EIF3A: variants seen among roughly 807,000 people sequenced by gnomAD.
EIF3A encodes the protein eukaryotic translation initiation factor 3 subunit A.
Under a neutral mutation model 186.6 loss-of-function variants are expected in EIF3A, and 21 were observed. The observed-to-expected ratio is 0.11, with a 90% confidence interval of 0.08 to 0.16. The LOEUF is 0.16. Ranked by LOEUF, EIF3A falls within the 10% of genes least tolerant of loss-of-function variation. The probability of loss-of-function intolerance (pLI) is 1.00; values close to 1 mark genes in which losing one functional copy is unlikely to be tolerated. For missense variants in EIF3A, 1,306 were observed against 1,796.3 expected (o/e 0.73, Z 4.93); for synonymous variants, 563 against 584.3 (o/e 0.96, Z 0.52).
At position 119,036,187 on chromosome 10, in the gene EIF3A, G is replaced by T; in HGVS notation, c.4001C>A (p.Ala1334Asp). The T allele has an allele frequency of 6.2e-7, 1 of 1,613,502 alleles. No individual in the cohort carries two copies. Among genetic ancestry groups the T allele is most frequent in the South Asian group, 1.1e-5 (1 of 91,026 alleles). Residue 1334 changes from alanine (A) to aspartate (D), a missense_variant, in exon 22 of 22, where the codon GCT becomes GAT. Coordinates refer to ENST00000369144, the MANE Select transcript of EIF3A (RefSeq NM_003750.4). ...GTCTCTTTCTCGGTCTCTTGAAAGA[G>T]CTGGGGGAGGAACTCGACGAGGAGG... is the stretch of plus-strand genomic sequence containing the variant. ...RDPPRRVPPP[A>D]LSRDRERDRD...
Position 119,052,152 on chromosome 10 carries a change from A to G in EIF3A, c.2197-831T>C, listed in dbSNP as rs73432153. Reference sequence around the variant, plus strand: ...AAGAGTAGAATTTCAATTTGATCCAATCCTCTCAAACCCTGCTGCTGCTTT... The same window carrying G: ...AAGAGTAGAATTTCAATTTGATCCAGTCCTCTCAAACCCTGCTGCTGCTTT... On this transcript the variant is annotated intron_variant, in intron 14 of 21. Coordinates refer to ENST00000369144, the MANE Select transcript of EIF3A (RefSeq NM_003750.4). Among the ~76,000 whole-genome samples the G allele has an allele frequency of 4.5e-3, 682 of 152,268 alleles. 6 individuals carry two copies. The highest frequency in any genetic ancestry group is 0.014 in the African/African-American group (577 of 41,550).
At chr10:119,046,743 G>A (rs1032084084) in intron 17 of EIF3A, among the ~76,000 whole-genome samples, 9 of 152,028 alleles carry the variant, frequency 5.9e-5, no homozygotes, top group Non-Finnish European at 7.4e-5. Flanking sequence ...TGGATCACCT[G>A]AGGTCAGGAG....
chr10:119,049,763 C>T (rs754625289), intron 17 of EIF3A, 38 bp downstream of exon 17: 6 of 1,563,744 alleles, frequency 3.8e-6, no homozygotes, highest in Non-Finnish European at 5.2e-6. Context: ...AAAAAAGTCA[C>T]ATTAAAACAA....
chr10:119,078,084 T>C (rs969010728), intron 1 of EIF3A, among the ~76,000 whole-genome samples: 1 of 152,316 alleles, frequency 6.6e-6, no homozygotes, highest in African/African-American at 2.4e-5. Context: ...CCCTTGATGT[T>C]TGCTAGTTTA....
intron 14 of EIF3A, among the ~76,000 whole-genome samples, chr10:119,055,720 C>A (rs745564005): frequency 6.6e-6 from 1 of 152,032 alleles, no homozygotes; most frequent in Non-Finnish European, 1.5e-5. Context: ...CACAATAAAA[C>A]AAGGTGTGCC....
intron 19 of EIF3A, among the ~76,000 whole-genome samples, chr10:119,041,005 CAAAA>C (rs34452005): frequency 2.2e-4 from 17 of 78,706 alleles, no homozygotes; most frequent in Middle Eastern, 0.01. Context: ...ACTCCGTCTC[CAAAA>C]AAAAAAAAAA....
intron 1 of EIF3A, among the ~76,000 whole-genome samples, chr10:119,076,585 G>GA (rs1045542725): frequency 6.9e-5 from 10 of 144,328 alleles, no homozygotes; most frequent in African/African-American, 2.2e-4. Context: ...GGGTGGGAGG[G>GA]AAAAAACTTG....
rs1406162619 is a variant in EIF3A at position 119,056,963 on chromosome 10, T to C, written c.2055A>G (p.Gln685=). Residue 685 remains glutamine, a synonymous_variant, in exon 13 of 22, where the codon CAA becomes CAG. Transcript: ENST00000369144. ...TCTTTTCTTGATTCTTTAGGCGTTCTTGAAGTTCTTTCTTTTCTTTCTCCA... is the reference window on the plus strand; with the variant it reads ...TCTTTTCTTGATTCTTTAGGCGTTCCTGAAGTTCTTTCTTTTCTTTCTCCA... ...EQLEKEKKEL[Q]ERLKNQEKKI... 1 of 1,613,056 alleles carries C rather than the reference T, an allele frequency of 6.2e-7. No homozygotes were observed. Among genetic ancestry groups the C allele is most frequent in the Admixed American group, 1.7e-5 (1 of 59,948 alleles).
chr10:119,059,199 G>C lies in EIF3A; in HGVS notation c.1629+13C>G, dbSNP rs1344312751. On this transcript the variant is annotated intron_variant, in intron 11 of 21. Coordinates refer to ENST00000369144, the MANE Select transcript of EIF3A (RefSeq NM_003750.4). Reference sequence around the variant, plus strand: ...AAAACTTCTGGGATTTATTTCCCCGGGAAGATGCATACCAGTATATGAGCT... The same window carrying C: ...AAAACTTCTGGGATTTATTTCCCCGCGAAGATGCATACCAGTATATGAGCT... 3 of 1,608,096 alleles carry C rather than the reference G, an allele frequency of 1.9e-6. No individual in the cohort carries two copies. Among genetic ancestry groups the C allele is most frequent in the Non-Finnish European group, 2.5e-6 (3 of 1,177,560 alleles).
chr10:119,050,353 C>T (rs74157622), intron 16 of EIF3A, among the ~76,000 whole-genome samples, 168 bp downstream of exon 16: 3 of 152,092 alleles, frequency 2.0e-5, no homozygotes, highest in African/African-American at 4.8e-5. Flanking sequence ...TGCTGGCAGA[C>T]GATGTAACAA....
Position 119,062,709 on chromosome 10 carries a change from T to C in EIF3A, c.1123-1381A>G, listed in dbSNP as rs557207016. ...TGTCTTTCGCTTCTGGGACAACATA[T>C]TGCAGTATATTAAATCTAAGTCTAA... On this transcript the variant is annotated intron_variant, in intron 7 of 21. Transcript: ENST00000369144. Among the ~76,000 whole-genome samples, 11 of 151,740 alleles carry C rather than the reference T, an allele frequency of 7.2e-5. No individual in the cohort carries two copies. The South Asian group carries it at 2.1e-3, about 29-fold the overall frequency.
rs762770253 is a variant in EIF3A at position 119,042,321 on chromosome 10, G to A, written c.3199C>T (p.Arg1067Trp). ...RSSWRNADDD[R>W]GPRRGLDDDR... ...TCATCCAACCCTCGCCTGGGACCCC[G>A]GTCATCATCAGCATTACGCCAGGAT... The change falls in exon 19 of 22, where the codon CGG becomes TGG. Residue 1067 changes from arginine to tryptophan, a missense_variant. Around this residue, in one of 8 missense-constraint regions of EIF3A, gnomAD observed 410 missense variants for 473.5 expected, o/e 0.87. Coordinates refer to ENST00000369144, the MANE Select transcript of EIF3A (RefSeq NM_003750.4). This position sits in a 1 kb window ranked among gnomAD's most constrained non-coding sequence, Gnocchi z 7.8. 3.7e-6 allele frequency: 6 copies of A among 1,612,666 alleles called. No homozygotes were observed. Among genetic ancestry groups the A allele is most frequent in the Middle Eastern group, 1.6e-4 (1 of 6,074 alleles).
intron 7 of EIF3A, among the ~76,000 whole-genome samples, chr10:119,064,006 G>T (rs1300535018): frequency 1.3e-5 from 2 of 152,132 alleles, no homozygotes; most frequent in African/African-American, 4.8e-5. Flanking sequence ...TTGAACCTGG[G>T]AGGTGGGGGT....
intron 19 of EIF3A, among the ~76,000 whole-genome samples, chr10:119,038,874 A>C (rs1233053225): frequency 2.0e-5 from 3 of 152,142 alleles, no homozygotes; most frequent in Admixed American, 1.3e-4. Context: ...GCAGTGAGCC[A>C]AGATAGTGCC....
intron 1 of EIF3A, among the ~76,000 whole-genome samples, chr10:119,077,966 G>A (rs1453886560): frequency 6.6e-6 from 1 of 152,070 alleles, no homozygotes; most frequent in African/African-American, 2.4e-5. Flanking sequence ...TAATATTATA[G>A]AAATAAAAAT....
chr10:119,047,949 T>C (rs976469364), intron 17 of EIF3A, among the ~76,000 whole-genome samples: 28 of 152,142 alleles, frequency 1.8e-4, no homozygotes, highest in African/African-American at 6.5e-4. Context: ...AGCAATACTT[T>C]AAGGGGCAAA....
At chr10:119,055,002 G>A (rs1183294359) in intron 14 of EIF3A, among the ~76,000 whole-genome samples, 3 of 152,122 alleles carry the variant, frequency 2.0e-5, no homozygotes, top group Non-Finnish European at 2.9e-5. Context: ...TTGAGGTCAG[G>A]AGTTCAAGAC....
chr10:119,038,141 T>G, intron 20 of EIF3A, 97 bp downstream of exon 20: 1 of 1,070,562 alleles, frequency 9.3e-7, no homozygotes, highest in Non-Finnish European at 1.4e-6. Context: ...GCTCTCGAAC[T>G]CCTGAACTCA....
intron 4 of EIF3A, among the ~76,000 whole-genome samples, chr10:119,072,418 TACTC>T (rs899104887): frequency 2.1e-5 from 3 of 140,468 alleles, no homozygotes; most frequent in Admixed American, 7.7e-5. Context: ...ACAAATTCCT[TACTC>T]AGTCATTTTG....
Sources: allele counts gnomAD v4.1 joint callset (sites outside exome capture counted in the v4.1 genomes callset), GRCh38; gene constraint gnomAD v4.1.1; regional missense constraint gnomAD v4.1.1; non-coding constraint Gnocchi (gnomAD v3.1); transcripts MANE v1.5; gene names NCBI Gene and HGNC (gene_info 2026-07-23, HGNC 2026-07-21).